SHISA9: variants seen among roughly 807,000 people sequenced by gnomAD.
SHISA9 encodes shisa family member 9.
In SHISA9, 13 loss-of-function variants were observed where a neutral mutation model predicts 38.0. The observed-to-expected ratio is 0.34, with a 90% CI of 0.22 to 0.54. The LOEUF (loss-of-function observed/expected upper bound fraction) is 0.54, where lower values mean the gene tolerates loss of function less well. SHISA9 is among the 20% of genes least tolerant of loss of function. SHISA9 has a pLI of 0.91. For synonymous variants in SHISA9, 275 were observed against 242.0 expected, an observed-to-expected ratio of 1.14 and a Z score of -1.27; for missense variants, 538 against 575.8, an observed-to-expected ratio of 0.93 and a Z score of 0.67.
chr16:13,122,103 G>A (rs1230870454), intron 2 of SHISA9, among the ~76,000 whole-genome samples: 7 of 152,094 alleles, frequency 4.6e-5, no homozygotes, highest in Admixed American at 6.5e-5. Context: ...TACTGGTCGG[G>A]GGATCTAGCA....
At chr16:13,168,460 T>C (rs544849832) in intron 2 of SHISA9, among the ~76,000 whole-genome samples, 1 of 152,322 alleles carries the variant, frequency 6.6e-6, no homozygotes, top group South Asian at 2.1e-4. Flanking sequence ...CCTTACTCCA[T>C]TGGCCAACAT....
chr16:13,442,166 C>T, the SHISA9 span, among the ~76,000 whole-genome samples: 1 of 152,102 alleles, frequency 6.6e-6, no homozygotes. Flanking sequence ...GTTAGACCTC[C>T]TAGTTTTGTT....
At chr16:13,334,451 G>T in the SHISA9 span, among the ~76,000 whole-genome samples, 1 of 152,156 alleles carries the variant, frequency 6.6e-6, no homozygotes, top group African/African-American at 2.4e-5. Flanking sequence ...GCAAGTTGCA[G>T]TCCCTAGCTC....
chr16:12,962,133 C>G (rs1263093538), intron 2 of SHISA9, among the ~76,000 whole-genome samples: 2 of 152,230 alleles, frequency 1.3e-5, no homozygotes, highest in African/African-American at 4.8e-5. Flanking sequence ...GCACTGCTGT[C>G]CACTGCCTGG....
chr16:13,055,161 A>G (rs1297690671), intron 2 of SHISA9, among the ~76,000 whole-genome samples: 3 of 152,200 alleles, frequency 2.0e-5, no homozygotes, highest in Non-Finnish European at 4.4e-5. Context: ...ATTTTATATA[A>G]TCCACAGAAA....
At chr16:13,452,552 G>T in the SHISA9 span, among the ~76,000 whole-genome samples, 2 of 152,182 alleles carry the variant, frequency 1.3e-5, no homozygotes, top group East Asian at 3.9e-4. Flanking sequence ...GACAACAAAA[G>T]TCTCCCAACT....
the SHISA9 span, among the ~76,000 whole-genome samples, chr16:13,485,029 C>T: frequency 1.4e-5 from 2 of 146,564 alleles, no homozygotes; most frequent in African/African-American, 5.0e-5. Context: ...GCCTCTTGTT[C>T]TTTTTTTTTT....
At chr16:13,394,902 C>G in the SHISA9 span, among the ~76,000 whole-genome samples, 1 of 150,372 alleles carries the variant, frequency 6.7e-6, no homozygotes, top group East Asian at 1.9e-4. Flanking sequence ...CTGCCACTGT[C>G]ATTTTAAAGC....
chr16:13,149,563 G>A (rs746033952), intron 2 of SHISA9, among the ~76,000 whole-genome samples: 9 of 152,112 alleles, frequency 5.9e-5, no homozygotes, highest in African/African-American at 9.7e-5. Context: ...GACCCTGAGC[G>A]GATTACATTG....
chr16:12,944,973 G>A (rs2071670003), intron 2 of SHISA9, among the ~76,000 whole-genome samples: 2 of 152,168 alleles, frequency 1.3e-5, no homozygotes, highest in African/African-American at 4.8e-5. Flanking sequence ...TCCTGCTGGA[G>A]AACTCTGGGG....
At chr16:12,991,019 C>T (rs1230481106) in intron 2 of SHISA9, among the ~76,000 whole-genome samples, 3 of 152,146 alleles carry the variant, frequency 2.0e-5, no homozygotes, top group South Asian at 4.1e-4. Context: ...CTATTTCACC[C>T]CAGTCTTGCT....
chr16:13,311,811 A>G, the SHISA9 span, among the ~76,000 whole-genome samples: 1 of 152,200 alleles, frequency 6.6e-6, no homozygotes, highest in Non-Finnish European at 1.5e-5. Context: ...ACTACTTACC[A>G]GTTACGATTT....
chr16:13,383,000 G>A, the SHISA9 span, among the ~76,000 whole-genome samples: 9 of 152,288 alleles, frequency 5.9e-5, no homozygotes, highest in Admixed American at 5.2e-4. Flanking sequence ...CTAAGTGTTC[G>A]TTGCGTGTCA....
the SHISA9 span, among the ~76,000 whole-genome samples, chr16:13,456,455 A>G: frequency 6.6e-6 from 1 of 152,228 alleles, no homozygotes; most frequent in Non-Finnish European, 1.5e-5. Flanking sequence ...TGAATGAATG[A>G]ATCGTTCACT....
chr16:13,033,267 G>T (rs761825379), intron 2 of SHISA9, among the ~76,000 whole-genome samples: 5 of 152,124 alleles, frequency 3.3e-5, no homozygotes, highest in Non-Finnish European at 7.4e-5. Flanking sequence ...TGATGACCTG[G>T]ACTGAAGGGA....
intron 1 of SHISA9, 100 bp downstream of exon 1, chr16:12,902,727 C>T: frequency 4.9e-6 from 6 of 1,228,096 alleles, no homozygotes; most frequent in Non-Finnish European, 6.6e-6. Flanking sequence ...GGTCCCCGCT[C>T]CCCGCATCCC....
the SHISA9 span, among the ~76,000 whole-genome samples, chr16:13,499,440 CA>C: frequency 6.6e-6 from 1 of 151,952 alleles, no homozygotes; most frequent in African/African-American, 2.4e-5. Flanking sequence ...AAGCATGTAA[CA>C]AAAATAGTAT....
chr16:12,952,348 T>C (rs1298038544), intron 2 of SHISA9, among the ~76,000 whole-genome samples: 2 of 152,172 alleles, frequency 1.3e-5, no homozygotes, highest in South Asian at 2.1e-4. Flanking sequence ...TCCTCACAAA[T>C]GTGGAGGATC....
In SHISA9 at chr16:13,017,163, GCCCC is replaced by G. The variant is rs1233702850; in HGVS notation, c.691+100350_691+100353del. Among the ~76,000 whole-genome samples, 20 of 152,026 alleles carry G rather than the reference GCCCC, an allele frequency of 1.3e-4. No homozygotes were observed. The South Asian group carries it at 4.2e-3, about 32-fold the overall frequency. ...GCCTTCCAAGTAGCTGGGATTACAG[GCCCC>G]CGCCACCATGCCTGGCTAATTTTTG... On this transcript the variant is annotated intron_variant, in intron 2 of 4. Transcript: ENST00000558583.
Sources: gnomAD v4.1 joint callset for allele counts (sites outside exome capture counted in the v4.1 genomes callset) on GRCh38, gnomAD v4.1.1 for gene constraint, MANE v1.5 for transcripts, NCBI Gene and HGNC (gene_info 2026-07-23, HGNC 2026-07-21) for gene names.